DHTKD1: variants seen among roughly 807,000 people sequenced by gnomAD.
The protein encoded by DHTKD1 is dehydrogenase E1 and transketolase domain containing 1.
Under a neutral mutation model 101.8 loss-of-function variants are expected in DHTKD1, and 78 were observed. That is an observed-to-expected ratio of 0.77 (90% CI 0.64 to 0.93). DHTKD1 has a LOEUF of 0.93. DHTKD1 is among the 40% of genes least tolerant of loss of function. DHTKD1 has a pLI of 0.00. For synonymous variants in DHTKD1, 462 were observed against 450.3 expected (o/e 1.03, Z -0.33); for missense variants, 1,223 against 1,161.7 (o/e 1.05, Z -0.77).
Position 12,100,290 on chromosome 10 carries a change from T to G in DHTKD1, c.1756+28T>G, listed in dbSNP as rs765157015. Reference sequence around the variant, plus strand: ...AAGAATTTTCTTTTTTTTTTCTGTTTTTTTTTTTTTTGAGTCTCACCCTGT... The same window carrying G: ...AAGAATTTTCTTTTTTTTTTCTGTTGTTTTTTTTTTTGAGTCTCACCCTGT... On this transcript the variant is annotated intron_variant, in intron 9 of 16. Coordinates refer to ENST00000263035, the MANE Select transcript of DHTKD1 (RefSeq NM_018706.7). 3 of 843,580 alleles carry G rather than the reference T, an allele frequency of 3.6e-6. No individual in the cohort carries two copies. The South Asian group carries it at 5.5e-5, about 15-fold the overall frequency. 52.3% of individuals were successfully genotyped at this position (843,580 alleles called of 1,614,324 possible). A position where few individuals can be genotyped will look rare whatever the true frequency, so the allele number is the denominator to read the frequency against.
Position 12,118,673 on chromosome 10 carries a change from C to T in DHTKD1, c.2403-76C>T, listed in dbSNP as rs535188811. 75 of 1,289,880 alleles carry T rather than the reference C, an allele frequency of 5.8e-5. 1 individual carries two copies. In the East Asian group the frequency reaches 1.5e-3, roughly 26 times the overall value. 79.9% of individuals were successfully genotyped at this position (1,289,880 alleles called of 1,614,324 possible). A position where few individuals can be genotyped will look rare whatever the true frequency, so the allele number is the denominator to read the frequency against. On this transcript the variant is annotated intron_variant, in intron 14 of 16. Coordinates refer to ENST00000263035, the MANE Select transcript of DHTKD1 (RefSeq NM_018706.7). Reference sequence around the variant, plus strand: ...CTGAGATTACAGGCGTGAGCTACTGCACCTGGCCTCTTCTGACGTAATTCT... The same window carrying T: ...CTGAGATTACAGGCGTGAGCTACTGTACCTGGCCTCTTCTGACGTAATTCT...
At chr10:12,086,856 A>G (rs181933268) in intron 3 of DHTKD1, among the ~76,000 whole-genome samples, 56 of 152,070 alleles carry the variant, frequency 3.7e-4, no homozygotes, top group African/African-American at 1.2e-3. Context: ...ACACCCGGCT[A>G]ATTTTTAGAT....
At chr10:12,076,182 C>T (rs1049032195) in intron 1 of DHTKD1, among the ~76,000 whole-genome samples, 1 of 152,202 alleles carries the variant, frequency 6.6e-6, no homozygotes, top group Non-Finnish European at 1.5e-5. Context: ...TGGCTGCATT[C>T]GAAAGAGCTT....
At position 12,115,780 on chromosome 10, in the gene DHTKD1, T is replaced by C. The variant is rs116987959; in HGVS notation, c.2320-1893T>C. On this transcript the variant is annotated intron_variant, in intron 13 of 16. Transcript: ENST00000263035. Reference sequence around the variant, plus strand: ...GATGGGGCTCTTTTTTTTCTTTTTTTTGTTATTTTGAGAGTCTCGCTTTGT... The same window carrying C: ...GATGGGGCTCTTTTTTTTCTTTTTTCTGTTATTTTGAGAGTCTCGCTTTGT... Among the ~76,000 whole-genome samples the C allele has an allele frequency of 6.4e-4, 97 of 152,260 alleles. 2 individuals carry two copies. The East Asian group carries it at 0.018, about 28-fold the overall frequency.
chr10:12,119,255 G>A (rs1405201821), intron 15 of DHTKD1, among the ~76,000 whole-genome samples: 1 of 151,670 alleles, frequency 6.6e-6, no homozygotes, highest in Non-Finnish European at 1.5e-5. Context: ...GCAGTGAGCC[G>A]AGATTGTGCC....
At chr10:12,094,336 G>T (rs781739421) in intron 7 of DHTKD1, 65 bp downstream of exon 7, 9 of 1,429,818 alleles carry the variant, frequency 6.3e-6, no homozygotes, top group African/African-American at 1.4e-5. Context: ...TTATTCTTTT[G>T]AGATGGAGTC....
At chr10:12,090,211 A>G (rs1288364372) in intron 5 of DHTKD1, among the ~76,000 whole-genome samples, 3 of 152,264 alleles carry the variant, frequency 2.0e-5, no homozygotes, top group Non-Finnish European at 4.4e-5. Context: ...TTCAAATTCC[A>G]CAGAAATAGA....
At chr10:12,112,799 T>C in intron 12 of DHTKD1, 101 bp from the exon 13 acceptor site, 1 of 1,184,208 alleles carries the variant, frequency 8.4e-7, no homozygotes, top group East Asian at 2.6e-5. Flanking sequence ...TTTTCTGCTA[T>C]AATCAAGAAC....
chr10:12,077,207 TGTG>T (rs1419190918), intron 1 of DHTKD1, among the ~76,000 whole-genome samples: 2 of 151,166 alleles, frequency 1.3e-5, no homozygotes, highest in Non-Finnish European at 2.9e-5. Context: ...CTTTATATGT[TGTG>T]GTCATTCATT....
intron 8 of DHTKD1, among the ~76,000 whole-genome samples, chr10:12,099,210 A>T (rs1168564152): frequency 6.6e-6 from 1 of 151,948 alleles, no homozygotes; most frequent in Non-Finnish European, 1.5e-5. Context: ...CAACCCACTA[A>T]CTTTAAGTTT....
At position 12,087,406 on chromosome 10, in the gene DHTKD1, A is replaced by T. The variant is rs1832918990; in HGVS notation, c.523-129A>T. Reference sequence around the variant, plus strand: ...TGTTATGTCTCTCTCCGGGATATGTAGTAAAGTGGCATTGCTGTGGCCACT... The same window carrying T: ...TGTTATGTCTCTCTCCGGGATATGTTGTAAAGTGGCATTGCTGTGGCCACT... On this transcript the variant is annotated intron_variant, in intron 3 of 16. Coordinates refer to ENST00000263035, the MANE Select transcript of DHTKD1 (RefSeq NM_018706.7). This position sits in a 1 kb window ranked among gnomAD's most constrained non-coding sequence, Gnocchi z 5.2. 1.5e-6 allele frequency: 1 copy of T among 681,492 alleles called. No individual in the cohort carries two copies. Among genetic ancestry groups the T allele is most frequent in the Non-Finnish European group, 2.5e-6 (1 of 403,570 alleles). 42.2% of individuals were successfully genotyped at this position (681,492 alleles called of 1,614,324 possible).
intron 1 of DHTKD1, among the ~76,000 whole-genome samples, chr10:12,073,275 C>T (rs890230846): frequency 3.3e-5 from 5 of 152,116 alleles, no homozygotes; most frequent in African/African-American, 1.2e-4. Context: ...TCAAGTGACC[C>T]AACAACCTCT....
Position 12,113,057 on chromosome 10 carries a change from G to C in DHTKD1, c.2312G>C (p.Arg771Thr), listed in dbSNP as rs1833359991. The change falls in exon 13 of 17, where the codon AGG becomes ACG. Residue 771 changes from arginine to threonine, a missense_variant. By Grantham distance (71) the Arg-to-Thr change is moderately conservative. Transcript: ENST00000263035. ...LIVASPKMLL[R>T]LPAAVSTLQE... ...GTTGCTTCCCCTAAGATGTTACTCA[G>C]GCTCCCGGTAAGCAGAAGGTGGTGA... 5.0e-6 allele frequency: 8 copies of C among 1,605,908 alleles called. No homozygotes were observed. The highest frequency in any genetic ancestry group is 6.8e-6 in the Non-Finnish European group (8 of 1,176,750).
At chr10:12,119,632 A>AG (rs1359445238) in intron 15 of DHTKD1, among the ~76,000 whole-genome samples, 2 of 150,788 alleles carry the variant, frequency 1.3e-5, no homozygotes, top group African/African-American at 4.9e-5. Context: ...AAAAAAAAAA[A>AG]AAAGAAAGAA....
chr10:12,098,118 T>C (rs978834299), intron 8 of DHTKD1, 122 bp downstream of exon 8: 9 of 891,230 alleles, frequency 1.0e-5, no homozygotes, highest in Non-Finnish European at 1.5e-5. Context: ...TGTCGTTAGG[T>C]TCTAGAAACT....
intron 12 of DHTKD1, among the ~76,000 whole-genome samples, chr10:12,112,547 A>G (rs965579885): frequency 6.6e-6 from 1 of 151,966 alleles, no homozygotes; most frequent in East Asian, 1.9e-4. Context: ...TTATTACATT[A>G]GGAAAGTGAG....
Position 12,094,091 on chromosome 10 carries a change from CCAT to C in DHTKD1, c.1183_1185del (p.Ile395del), listed in dbSNP as rs1365940564. ...CCTTCAGGGAAGCTTGTGGGCTGTG[CCAT>C]CATCCATGTCAATGGAGACAGCCCA... On this transcript the variant is annotated inframe_deletion, in exon 7 of 17. Coordinates refer to ENST00000263035, the MANE Select transcript of DHTKD1 (RefSeq NM_018706.7). The C allele has an allele frequency of 6.2e-7, 1 of 1,613,924 alleles. No individual in the cohort carries two copies. Among genetic ancestry groups the C allele is most frequent in the Admixed American group, 1.7e-5 (1 of 59,992 alleles).
rs566444496 is a variant in DHTKD1 at position 12,095,875 on chromosome 10, G to A, written c.1358+1604G>A. ...AAAAAGAAAAATTAGCTGGCGTTGT[G>A]GCGCGTGCCTGTAGTCCCAGCTACT... On this transcript the variant is annotated intron_variant, in intron 7 of 16. Coordinates refer to ENST00000263035, the MANE Select transcript of DHTKD1 (RefSeq NM_018706.7). 3.3e-5 allele frequency among the ~76,000 whole-genome samples: 5 copies of A among 151,326 alleles called. No individual in the cohort carries two copies. In the East Asian group the frequency reaches 7.7e-4, roughly 23 times the overall value.
In DHTKD1 at chr10:12,110,065, G is replaced by A. The variant is rs1280849047; in HGVS notation, c.2154+2050G>A. Among the ~76,000 whole-genome samples, 7 of 152,072 alleles carry A rather than the reference G, an allele frequency of 4.6e-5. No individual in the cohort carries two copies. Among genetic ancestry groups the A allele is most frequent in the South Asian group, 2.1e-4 (1 of 4,826 alleles). On this transcript the variant is annotated intron_variant, in intron 12 of 16. Coordinates refer to ENST00000263035, the MANE Select transcript of DHTKD1 (RefSeq NM_018706.7). The surrounding 1 kb of genome is among the most constrained non-coding windows in gnomAD (Gnocchi z 4.9). ...TGTAATCCCAGCACTTTGGGAGGCC[G>A]AGGCGGGCGGATCATGAGGTCAGGA...
Sources: allele counts gnomAD v4.1 joint callset (sites outside exome capture counted in the v4.1 genomes callset), GRCh38; gene constraint gnomAD v4.1.1; non-coding constraint Gnocchi (gnomAD v3.1); transcripts MANE v1.5; gene names NCBI Gene and HGNC (gene_info 2026-07-23, HGNC 2026-07-21).